ELAVL4: variants seen among roughly 807,000 people sequenced by gnomAD.
ELAVL4 encodes the protein ELAV-like protein 4.
A neutral mutation model predicts 35.6 loss-of-function variants in ELAVL4; 1 was observed. The ratio of observed to expected loss-of-function variants is 0.03; its 90% CI spans 0.01 to 0.13. The LOEUF (loss-of-function observed/expected upper bound fraction) is 0.13, where lower values mean the gene tolerates loss of function less well. ELAVL4 is among the 10% of genes least tolerant of loss of function. The pLI, the probability that ELAVL4 is intolerant of heterozygous loss-of-function variation, is 1.00. For missense variants in ELAVL4, 267 were observed against 464.9 expected, an observed-to-expected ratio of 0.57 and a Z score of 3.91; for synonymous variants, 156 against 171.0, an observed-to-expected ratio of 0.91 and a Z score of 0.69.
intron 2 of ELAVL4, among the ~76,000 whole-genome samples, chr1:50,146,984 G>A (rs745929631): frequency 2.0e-5 from 3 of 152,016 alleles, no homozygotes; most frequent in African/African-American, 7.2e-5. Context: ...GTAGTTCACC[G>A]AGTGGATTTG....
chr1:50,052,584 T>A (rs1483461560), intron 1 of ELAVL4, among the ~76,000 whole-genome samples: 1 of 152,238 alleles, frequency 6.6e-6, no homozygotes, highest in Non-Finnish European at 1.5e-5. Flanking sequence ...TTGAGCTCTT[T>A]GACCCTCTGG....
chr1:50,116,335 T>G (rs1007222493), intron 1 of ELAVL4, among the ~76,000 whole-genome samples: 2 of 152,028 alleles, frequency 1.3e-5, no homozygotes, highest in African/African-American at 4.8e-5. Flanking sequence ...CATGCCAAAT[T>G]GGAAGTTTGC....
chr1:50,173,585 G>A (rs1679430298), intron 2 of ELAVL4, among the ~76,000 whole-genome samples: 1 of 152,094 alleles, frequency 6.6e-6, no homozygotes, highest in African/African-American at 2.4e-5. Flanking sequence ...GGCACCAAGG[G>A]GCCAAATGCT....
chr1:50,085,572 C>T (rs1243312378), intron 1 of ELAVL4, among the ~76,000 whole-genome samples: 2 of 152,170 alleles, frequency 1.3e-5, no homozygotes, highest in African/African-American at 4.8e-5. Flanking sequence ...GCCCCTTGCT[C>T]CTTTTCCTCT....
At chr1:50,054,741 G>T (rs1203697336) in intron 1 of ELAVL4, among the ~76,000 whole-genome samples, 1 of 152,116 alleles carries the variant, frequency 6.6e-6, no homozygotes, top group Non-Finnish European at 1.5e-5. Flanking sequence ...TCTTTCATTT[G>T]CCCTTGAGAT....
chr1:50,145,538 A>G (rs1673551703), intron 2 of ELAVL4, among the ~76,000 whole-genome samples: 1 of 152,052 alleles, frequency 6.6e-6, no homozygotes, highest in Non-Finnish European at 1.5e-5. Flanking sequence ...GTTTTTGCTC[A>G]TGTATTCTCC....
At chr1:50,111,424 T>C (rs551679636) in intron 1 of ELAVL4, among the ~76,000 whole-genome samples, 2 of 152,192 alleles carry the variant, frequency 1.3e-5, no homozygotes, top group African/African-American at 4.8e-5. Flanking sequence ...CCAGCAAATA[T>C]TCATAGGAAA....
At chr1:50,183,703 G>A (rs572731120) in intron 3 of ELAVL4, among the ~76,000 whole-genome samples, 5 of 152,068 alleles carry the variant, frequency 3.3e-5, no homozygotes, top group Admixed American at 3.3e-4. Flanking sequence ...AGGGAGCTGC[G>A]CCTCCCCCTC....
intron 2 of ELAVL4, among the ~76,000 whole-genome samples, chr1:50,156,027 G>A (rs185408100): frequency 7.0e-6 from 1 of 143,010 alleles, no homozygotes; most frequent in Admixed American, 7.0e-5. Context: ...GCGTGCACAG[G>A]CACGCACACA....
At chr1:50,090,468 A>G (rs1665441782) in intron 1 of ELAVL4, among the ~76,000 whole-genome samples, 1 of 152,180 alleles carries the variant, frequency 6.6e-6, no homozygotes. Flanking sequence ...TTGAAAAAAA[A>G]AATTGAACAG....
At chr1:50,197,637 CT>C in intron 6 of ELAVL4, 170 bp downstream of exon 6, 1 of 561,328 alleles carries the variant, frequency 1.8e-6, no homozygotes, top group Non-Finnish European at 2.9e-6. Context: ...GATTTTGTTT[CT>C]TTTAGGGCAC....
upstream of ELAVL4, among the ~76,000 whole-genome samples, chr1:50,100,732 T>G (rs1665934320): frequency 1.3e-5 from 2 of 152,232 alleles, no homozygotes; most frequent in Admixed American, 6.5e-5. Flanking sequence ...ACACCAATAA[T>G]TTAGCACTGA....
At chr1:50,140,713 C>T (rs1672677462) in intron 1 of ELAVL4, among the ~76,000 whole-genome samples, 1 of 152,114 alleles carries the variant, frequency 6.6e-6, no homozygotes, top group Non-Finnish European at 1.5e-5. Flanking sequence ...TCAGACAGCA[C>T]ACTTTTATTG....
intron 1 of ELAVL4, among the ~76,000 whole-genome samples, chr1:50,085,927 T>C (rs1557694191): frequency 1.3e-5 from 2 of 152,194 alleles, no homozygotes; most frequent in South Asian, 2.1e-4. Context: ...GTTTTAAAAC[T>C]AGTTGTGAGG....
chr1:50,144,582 T>G, intron 1 of ELAVL4: 1 of 472,776 alleles, frequency 2.1e-6, no homozygotes, highest in Non-Finnish European at 4.1e-6. Flanking sequence ...TTTTTCAGCT[T>G]TAATGGAACT....
intron 1 of ELAVL4, among the ~76,000 whole-genome samples, chr1:50,118,972 G>T (rs943537408): frequency 6.9e-6 from 1 of 145,350 alleles, no homozygotes; most frequent in Non-Finnish European, 1.5e-5. Context: ...GAGGGAGGGA[G>T]GGAGGGAGGG....
At chr1:50,157,714 G>A (rs1676003987) in intron 2 of ELAVL4, among the ~76,000 whole-genome samples, 1 of 152,208 alleles carries the variant, frequency 6.6e-6, no homozygotes, top group African/African-American at 2.4e-5. Context: ...AATAGCGGCT[G>A]TGAGTCATCA....
chr1:50,187,985 C>T (rs1202367352), intron 3 of ELAVL4, among the ~76,000 whole-genome samples: 3 of 152,254 alleles, frequency 2.0e-5, no homozygotes, highest in South Asian at 4.2e-4. Flanking sequence ...ATCACAGCTA[C>T]TTGGGAGGCT....
At chr1:50,054,250 A>G (rs1663544667) in intron 1 of ELAVL4, among the ~76,000 whole-genome samples, 1 of 152,232 alleles carries the variant, frequency 6.6e-6, no homozygotes, top group Admixed American at 6.5e-5. Context: ...GAAGTGCAAT[A>G]GAAAATGGAC....
Sources: gnomAD v4.1 joint callset for allele counts (sites outside exome capture counted in the v4.1 genomes callset) on GRCh38, gnomAD v4.1.1 for gene constraint, MANE v1.5 for transcripts, NCBI Gene and HGNC (gene_info 2026-07-23, HGNC 2026-07-21) for gene names.